Variants in DPP10 observed in about 807,000 individuals in gnomAD.
DPP10 encodes the protein dipeptidyl peptidase like 10.
In DPP10, 33 loss-of-function variants were observed where a neutral mutation model predicts 120.9. The ratio of observed to expected loss-of-function variants is 0.27; its 90% confidence interval spans 0.21 to 0.37. The LOEUF (loss-of-function observed/expected upper bound fraction) is 0.37. DPP10 is among the 10% of genes least tolerant of loss of function. The probability of loss-of-function intolerance (pLI) is 1.00; values close to 1 mark genes in which losing one functional copy is unlikely to be tolerated. For missense variants in DPP10, 816 were observed against 942.8 expected, an observed-to-expected ratio of 0.87 and a Z score of 1.76; for synonymous variants, 337 against 326.1, an observed-to-expected ratio of 1.03 and a Z score of -0.36.
At position 115,814,876 on chromosome 2, in the gene DPP10, T is replaced by C. The variant is rs1326660134; in HGVS notation, c.1784T>C (p.Ile595Thr). ...GTACTCATTGACATGGATAATGTCA[T>C]TGTAGCAAGATTTGATGGCAGAGGA... ...DSVLIDMDNV[I>T]VARFDGRGSG... The change falls in exon 20 of 26, where the codon ATT becomes ACT. Residue 595 changes from isoleucine (I) to threonine (T), a missense_variant. Around this residue, in one of 3 missense-constraint regions of DPP10, gnomAD observed 592 missense variants for 649.0 expected, o/e 0.91. Coordinates refer to ENST00000410059, the MANE Select transcript of DPP10 (RefSeq NM_020868.6). 3 of 1,611,326 alleles carry C rather than the reference T, an allele frequency of 1.9e-6. No homozygotes were observed. Among genetic ancestry groups the C allele is most frequent in the Non-Finnish European group, 2.5e-6 (3 of 1,178,040 alleles).
intron 1 of DPP10, among the ~76,000 whole-genome samples, chr2:114,922,204 T>C (rs1284999242): frequency 6.6e-6 from 1 of 152,214 alleles, no homozygotes. Flanking sequence ...TATCTAATTT[T>C]AGAACACTTT....
chr2:114,571,895 ATATT>A (rs931997849), intron 1 of DPP10, among the ~76,000 whole-genome samples: 16 of 148,532 alleles, frequency 1.1e-4, no homozygotes, highest in Non-Finnish European at 2.1e-4. Flanking sequence ...ATATAATACA[ATATT>A]TATACTATAT....
chr2:115,136,671 A>G (rs1306062090), intron 1 of DPP10, among the ~76,000 whole-genome samples: 1 of 152,104 alleles, frequency 6.6e-6, no homozygotes, highest in Non-Finnish European at 1.5e-5. Flanking sequence ...AAAAAAAACC[A>G]TAAAGCAGAC....
At chr2:115,048,169 C>T (rs1453080767) in intron 1 of DPP10, among the ~76,000 whole-genome samples, 2 of 152,058 alleles carry the variant, frequency 1.3e-5, no homozygotes, top group Non-Finnish European at 2.9e-5. Flanking sequence ...CATTTATATG[C>T]TCCCAACATA....
chr2:114,575,360 A>G (rs990291034), intron 1 of DPP10, among the ~76,000 whole-genome samples: 4 of 152,170 alleles, frequency 2.6e-5, no homozygotes, highest in Non-Finnish European at 5.9e-5. Flanking sequence ...ATAGAAAAAT[A>G]AGGCAAAGCC....
At chr2:115,351,008 A>G (rs1433651269) in intron 3 of DPP10, among the ~76,000 whole-genome samples, 2 of 152,142 alleles carry the variant, frequency 1.3e-5, no homozygotes, top group African/African-American at 2.4e-5. Flanking sequence ...TGGACTAGCA[A>G]TCTTATTAAT....
chr2:115,149,167 C>G (rs1299258406), intron 1 of DPP10, among the ~76,000 whole-genome samples: 1 of 152,148 alleles, frequency 6.6e-6, no homozygotes, highest in Non-Finnish European at 1.5e-5. Flanking sequence ...TGATCAAACT[C>G]AGCTTTTATA....
intron 3 of DPP10, among the ~76,000 whole-genome samples, chr2:115,376,273 A>G (rs964387603): frequency 6.6e-6 from 1 of 152,214 alleles, no homozygotes; most frequent in Non-Finnish European, 1.5e-5. Flanking sequence ...TAGAATACGA[A>G]TTTCAAAATT....
chr2:115,253,922 A>T (rs1399910175), intron 1 of DPP10, among the ~76,000 whole-genome samples: 1 of 152,192 alleles, frequency 6.6e-6, no homozygotes, highest in Non-Finnish European at 1.5e-5. Flanking sequence ...TCCCTTCTGC[A>T]CTTCCCTGGT....
intron 19 of DPP10, among the ~76,000 whole-genome samples, chr2:115,804,694 C>T (rs1485173148): frequency 1.3e-5 from 2 of 152,192 alleles, no homozygotes; most frequent in Admixed American, 1.3e-4. Context: ...ACTGGAGGTC[C>T]ACTCCAGACC....
intron 3 of DPP10, among the ~76,000 whole-genome samples, chr2:115,451,751 CAAA>C (rs1195247719): frequency 6.7e-6 from 1 of 149,458 alleles, no homozygotes; most frequent in African/African-American, 2.5e-5. Context: ...TTTTATTAAA[CAAA>C]AACATTATAA....
intron 1 of DPP10, among the ~76,000 whole-genome samples, chr2:114,477,910 C>CATATGTGT (rs1680623423): frequency 7.4e-6 from 1 of 135,124 alleles, no homozygotes; most frequent in African/African-American, 2.6e-5. Flanking sequence ...TATATATGTA[C>CATATGTGT]ATATATGTGT....
At chr2:115,187,796 T>C (rs1184870790) in intron 1 of DPP10, among the ~76,000 whole-genome samples, 1 of 151,382 alleles carries the variant, frequency 6.6e-6, no homozygotes, top group African/African-American at 2.4e-5. Context: ...GAGCCAGGAG[T>C]TGGAAATCAG....
Position 115,563,086 on chromosome 2 carries a change from A to T in DPP10, c.441+37114A>T, listed in dbSNP as rs148792170. Among the ~76,000 whole-genome samples, 1,110 of 152,338 alleles carry T rather than the reference A, an allele frequency of 7.3e-3. 7 individuals carry two copies. Among genetic ancestry groups the T allele is most frequent in the African/African-American group, 0.024 (1,015 of 41,580 alleles). On this transcript the variant is annotated intron_variant, in intron 5 of 25. Coordinates refer to ENST00000410059, the MANE Select transcript of DPP10 (RefSeq NM_020868.6). Reference sequence around the variant, plus strand: ...ACAATGTATGTCTCCTTTTATGAACATCATGGGCAAAGTATGAAAACAAAA... The same window carrying T: ...ACAATGTATGTCTCCTTTTATGAACTTCATGGGCAAAGTATGAAAACAAAA...
chr2:115,251,203 G>A (rs12993170), intron 1 of DPP10, among the ~76,000 whole-genome samples: 5,992 of 152,142 alleles, frequency 0.039, 221 homozygotes, highest in East Asian at 0.2. Context: ...AATTTACAAC[G>A]GCTTCTCTAA....
intron 3 of DPP10, among the ~76,000 whole-genome samples, chr2:115,360,798 A>G (rs1374745206): frequency 2.0e-5 from 3 of 152,176 alleles, no homozygotes; most frequent in African/African-American, 7.2e-5. Flanking sequence ...TGTACTTGAC[A>G]GAGTCAGAGA....
At chr2:114,918,601 A>G (rs1694972177) in intron 1 of DPP10, among the ~76,000 whole-genome samples, 1 of 152,206 alleles carries the variant, frequency 6.6e-6, no homozygotes, top group Non-Finnish European at 1.5e-5. Context: ...TACACCATGG[A>G]ATACTACAGA....
chr2:114,706,979 C>T (rs568542608), intron 1 of DPP10: 6 of 152,012 alleles, frequency 3.9e-5, no homozygotes, highest in Non-Finnish European at 5.9e-5. Flanking sequence ...AGATGGATAC[C>T]ATGGCCCTCC....
chr2:115,266,261 T>C (rs1358384638), intron 1 of DPP10, among the ~76,000 whole-genome samples: 2 of 152,224 alleles, frequency 1.3e-5, no homozygotes, highest in African/African-American at 4.8e-5. Context: ...TCTCAACATT[T>C]ATCTTTCATG....
Sources: allele counts gnomAD v4.1 joint callset (sites outside exome capture counted in the v4.1 genomes callset), GRCh38; gene constraint gnomAD v4.1.1; regional missense constraint gnomAD v4.1.1; transcripts MANE v1.5; gene names NCBI Gene and HGNC (gene_info 2026-07-23, HGNC 2026-07-21).